Variants in FOXP2 observed in about 807,000 individuals in gnomAD.
FOXP2 encodes forkhead box P2.
FOXP2 carries 12 observed loss-of-function variants against 115.8 expected under a neutral mutation model. That is an observed-to-expected ratio of 0.10 (90% CI 0.07 to 0.17). FOXP2 has a LOEUF of 0.17. Ranked by LOEUF, FOXP2 falls within the 10% of genes least tolerant of loss-of-function variation. FOXP2 has a pLI of 1.00. For synonymous variants in FOXP2, 328 were observed against 297.7 expected (o/e 1.10, Z -1.05); for missense variants, 629 against 843.5 (o/e 0.75, Z 3.15).
At position 114,691,271 on chromosome 7, in the gene FOXP2, A is replaced by G. The variant is rs1462885905; in HGVS notation, c.*1345A>G. ...TTTTTATAGTCTTAAGTTATAATGAAAAAACAAAAAGTAGGAACCAAACAT... is the reference window on the plus strand; with the variant it reads ...TTTTTATAGTCTTAAGTTATAATGAGAAAACAAAAAGTAGGAACCAAACAT... On this transcript the variant is annotated 3_prime_UTR_variant, in exon 17 of 17. Transcript: ENST00000350908. 2.2e-6 allele frequency: 1 copy of G among 451,462 alleles called. No homozygotes were observed. The highest frequency in any genetic ancestry group is 2.4e-5 in the Admixed American group (1 of 41,998). 28.0% of individuals were successfully genotyped at this position (451,462 alleles called of 1,614,324 possible). A position where few individuals can be genotyped will look rare whatever the true frequency, so the allele number is the denominator to read the frequency against.
At chr7:114,128,601 C>T (rs940647501) in intron 1 of FOXP2, among the ~76,000 whole-genome samples, 2 of 151,850 alleles carry the variant, frequency 1.3e-5, no homozygotes, top group Non-Finnish European at 2.9e-5. Flanking sequence ...AGTCTGGGAT[C>T]AAAACGCTCC....
intron 3 of FOXP2, among the ~76,000 whole-genome samples, chr7:114,627,941 T>C (rs11983431): frequency 0.5 from 74,820 of 149,364 alleles, 19,379 homozygotes; most frequent in East Asian, 0.75. Context: ...CACACACACA[T>C]ATATATATAT....
chr7:114,412,042 T>C (rs190444510), upstream of FOXP2, among the ~76,000 whole-genome samples: 2 of 152,238 alleles, frequency 1.3e-5, no homozygotes, highest in Admixed American at 1.3e-4. Flanking sequence ...ACCAGTGTTA[T>C]AGTTCAGTGG....
intron 2 of FOXP2, among the ~76,000 whole-genome samples, chr7:114,295,661 A>C (rs1796725608): frequency 6.6e-6 from 1 of 152,196 alleles, no homozygotes; most frequent in South Asian, 2.1e-4. Context: ...GTGTCATGTA[A>C]AATGAAGTTA....
intron 3 of FOXP2, among the ~76,000 whole-genome samples, chr7:114,569,507 A>G (rs1434196905): frequency 1.3e-5 from 2 of 151,974 alleles, no homozygotes; most frequent in Non-Finnish European, 2.9e-5. Flanking sequence ...AACACCTTCA[A>G]TTGGAGTCAC....
intron 8 of FOXP2, among the ~76,000 whole-genome samples, chr7:114,647,945 G>A (rs1187728477): frequency 1.3e-5 from 2 of 151,954 alleles, no homozygotes; most frequent in East Asian, 3.9e-4. Context: ...TTTAAGAAAG[G>A]CAGGATGGCT....
intron 2 of FOXP2, among the ~76,000 whole-genome samples, chr7:114,310,420 C>A (rs1050250755): frequency 3.3e-5 from 5 of 152,184 alleles, no homozygotes; most frequent in African/African-American, 1.2e-4. Context: ...TCCAAGTTGA[C>A]CCTACCCTCA....
At chr7:114,293,398 T>G (rs1202115839) in intron 2 of FOXP2, among the ~76,000 whole-genome samples, 1 of 152,160 alleles carries the variant, frequency 6.6e-6, no homozygotes, top group Non-Finnish European at 1.5e-5. Flanking sequence ...AGTGAGGAAC[T>G]AAGCCCTTTA....
chr7:114,133,848 C>A (rs1441951387), intron 1 of FOXP2, among the ~76,000 whole-genome samples: 1 of 152,198 alleles, frequency 6.6e-6, no homozygotes, highest in African/African-American at 2.4e-5. Context: ...TCTGCTTTGA[C>A]TTCTCCAGTA....
At chr7:114,685,472 G>A (rs1401070339) in intron 16 of FOXP2, among the ~76,000 whole-genome samples, 4 of 151,978 alleles carry the variant, frequency 2.6e-5, no homozygotes, top group East Asian at 1.9e-4. Context: ...CTTCAGTTTC[G>A]TTAACTATCA....
intron 3 of FOXP2, among the ~76,000 whole-genome samples, chr7:114,537,681 G>T (rs575400155): frequency 6.6e-6 from 1 of 151,648 alleles, no homozygotes; most frequent in South Asian, 2.1e-4. Flanking sequence ...AATGCAAAAT[G>T]GAAAGAAGAA....
intron 1 of FOXP2, among the ~76,000 whole-genome samples, chr7:114,416,110 A>G (rs1279831942): frequency 6.6e-6 from 1 of 151,986 alleles, no homozygotes; most frequent in African/African-American, 2.4e-5. Flanking sequence ...CCATTTCTGC[A>G]CTTTTCATTC....
chr7:114,329,260 G>A (rs953731733), intron 2 of FOXP2, among the ~76,000 whole-genome samples: 2 of 152,160 alleles, frequency 1.3e-5, no homozygotes, highest in Admixed American at 6.5e-5. Flanking sequence ...GTTCACGCCT[G>A]TAATCCCAGC....
In FOXP2 at chr7:114,222,856, T is replaced by C. The variant is rs80196532; in HGVS notation, c.-102+59768T>C. ...GCAAGCATGAGATAATGTAATCTTT[T>C]TGGCCACTCATAAATAAAGAGGGCT... is the stretch of plus-strand genomic sequence containing the variant. On this transcript the variant is annotated intron_variant, in intron 1 of 17. Coordinates refer to the FOXP2 transcript ENST00000634411. 4.2e-3 allele frequency among the ~76,000 whole-genome samples: 640 copies of C among 152,296 alleles called. 2 individuals are homozygous for C. The highest frequency in any genetic ancestry group is 7.0e-3 in the Non-Finnish European group (477 of 68,020).
chr7:114,437,707 C>T (rs1161048031), intron 2 of FOXP2, among the ~76,000 whole-genome samples: 3 of 152,028 alleles, frequency 2.0e-5, no homozygotes, highest in Non-Finnish European at 4.4e-5. Flanking sequence ...TGTAAGTATC[C>T]CAACCAAACT....
chr7:114,480,164 A>G (rs1252876991), intron 2 of FOXP2, among the ~76,000 whole-genome samples: 1 of 151,408 alleles, frequency 6.6e-6, no homozygotes, highest in Non-Finnish European at 1.5e-5. Context: ...CCAAAAGAAG[A>G]TTTTGTTATT....
chr7:114,389,633 G>A (rs1269057723), intron 2 of FOXP2, among the ~76,000 whole-genome samples: 3 of 152,092 alleles, frequency 2.0e-5, no homozygotes. Context: ...TCAAATTGCA[G>A]GATGAAGATG....
At chr7:114,247,304 A>G (rs1011758982) in intron 1 of FOXP2, among the ~76,000 whole-genome samples, 3 of 152,222 alleles carry the variant, frequency 2.0e-5, no homozygotes, top group Non-Finnish European at 4.4e-5. Flanking sequence ...GTATCTCATT[A>G]TCTGCCTATT....
intron 2 of FOXP2, among the ~76,000 whole-genome samples, chr7:114,309,435 T>C (rs185199922): frequency 2.0e-5 from 3 of 152,320 alleles, no homozygotes; most frequent in East Asian, 3.9e-4. Flanking sequence ...ATCGGAAACA[T>C]AGAACTCTGA....
Sources: allele counts gnomAD v4.1 joint callset (sites outside exome capture counted in the v4.1 genomes callset), GRCh38; gene constraint gnomAD v4.1.1; transcripts MANE v1.5; gene names NCBI Gene and HGNC (gene_info 2026-07-23, HGNC 2026-07-21).